The following ARL10 variants were observed in gnomAD, a reference collection of about 807,000 sequenced individuals.
ARL10 encodes the protein ARF like GTPase 10.
ARL10 carries 23 observed loss-of-function variants against 26.1 expected under a neutral mutation model. The observed-to-expected ratio is 0.88, with a 90% CI of 0.63 to 1.25. ARL10 has a LOEUF of 1.25. Among genes scored for constraint, ARL10 ranks in the 50% most tolerant of loss-of-function variants. ARL10 has a pLI of 0.00. For missense variants in ARL10, 300 were observed against 323.6 expected (o/e 0.93, Z 0.56); for synonymous variants, 138 against 149.1 (o/e 0.93, Z 0.54).
At chr5:176,410,225 C>A in the ARL10 span, 1 of 1,608,048 alleles carries the variant, frequency 6.2e-7, no homozygotes, top group South Asian at 1.1e-5. Context: ...GGCTGTTGGT[C>A]CTTACCACTG....
intron 2 of ARL10, among the ~76,000 whole-genome samples, chr5:176,367,604 C>T (rs1349051977): frequency 6.6e-6 from 1 of 152,192 alleles, no homozygotes; most frequent in Non-Finnish European, 1.5e-5. Context: ...ACAGCCATCT[C>T]TTTCTCCTTC....
Position 176,376,417 on chromosome 5 carries a change from G to A in ARL10, c.*4522G>A, listed in dbSNP as rs1479872271. 6.6e-6 allele frequency: 1 copy of A among 151,622 alleles called. No individual in the cohort carries two copies. The highest frequency in any genetic ancestry group is 1.5e-5 in the Non-Finnish European group (1 of 67,936). 9.4% of individuals were successfully genotyped at this position (151,622 alleles called of 1,614,324 possible). On this transcript the variant is annotated 3_prime_UTR_variant, in exon 4 of 4. Transcript: ENST00000310389. ...CACTCTTCCTTTGGGGTTTCAGGGT[G>A]ACTTATTGGGAAAATGGAGAGATAC...
At chr5:176,385,430 C>G (rs1442814988), downstream of ARL10, 1 of 720,198 alleles carries the variant, frequency 1.4e-6, no homozygotes, top group African/African-American at 1.7e-5. Context: ...CCACAAGACC[C>G]ACCACACCAA....
At position 176,387,364 on chromosome 5, in the gene ARL10, C is replaced by T. The variant is rs565639253; in HGVS notation, c.37-931C>T. On this transcript the variant is annotated intron_variant, in intron 1 of 1. Transcript: ENST00000503175. ...CCCAACACAATCTTGGTGACAAGGA[C>T]TTTGTGTTTTGTTCTCTATTAAATC... 2.0e-5 allele frequency among the ~76,000 whole-genome samples: 3 copies of T among 152,346 alleles called. No individual in the cohort carries two copies. In the East Asian group the frequency reaches 5.8e-4, roughly 29 times the overall value.
At chr5:176,382,639 A>G (rs1363153313), downstream of ARL10, among the ~76,000 whole-genome samples, 1 of 152,180 alleles carries the variant, frequency 6.6e-6, no homozygotes, top group East Asian at 1.9e-4. Context: ...CACCAGAGAT[A>G]GCTTCCTGGG....
the ARL10 span, among the ~76,000 whole-genome samples, chr5:176,411,961 A>G: frequency 2.1e-3 from 319 of 151,834 alleles, 1 homozygote; most frequent in African/African-American, 6.2e-3. Context: ...CAGATCACGA[A>G]GTCAGGAGAT....
At chr5:176,384,940 G>T, downstream of ARL10, 1 of 561,376 alleles carries the variant, frequency 1.8e-6, no homozygotes, top group Non-Finnish European at 3.2e-6. Context: ...CATCCTGGGT[G>T]ACTGAGCAAG....
rs187134740 is a variant in ARL10 at position 176,374,484 on chromosome 5, A to T, written c.*2589A>T. 2.6e-5 allele frequency: 4 copies of T among 152,308 alleles called. No individual in the cohort carries two copies. The highest frequency in any genetic ancestry group is 2.0e-4 in the Admixed American group (3 of 15,302). The allele number at this position is 152,308 out of a possible 1,614,324, so 9.4% of individuals were successfully genotyped here. A position where few individuals can be genotyped will look rare whatever the true frequency, so the allele number is the denominator to read the frequency against. Reference sequence around the variant, plus strand: ...TTAAGACTACAACACATCAGTGGGGACCTTAGGATGGCTATCAGGAGTGTA... The same window carrying T: ...TTAAGACTACAACACATCAGTGGGGTCCTTAGGATGGCTATCAGGAGTGTA... On this transcript the variant is annotated 3_prime_UTR_variant, in exon 4 of 4. Coordinates refer to ENST00000310389, the MANE Select transcript of ARL10 (RefSeq NM_173664.6).
downstream of ARL10, chr5:176,384,092 G>T: frequency 1.3e-6 from 2 of 1,577,744 alleles, no homozygotes; most frequent in Middle Eastern, 1.7e-4. Flanking sequence ...GAGTGTGCAC[G>T]TGTGTGTGTA....
chr5:176,388,674 G>A, downstream of ARL10: 1 of 1,336,544 alleles, frequency 7.5e-7, no homozygotes, highest in Admixed American at 2.0e-5. Context: ...TAGCACTACC[G>A]TGCTGAGCAC....
Position 176,368,745 on chromosome 5 carries a change from G to T in ARL10, c.386-62G>T. 6.5e-7 allele frequency: 1 copy of T among 1,527,498 alleles called. No individual in the cohort carries two copies. The allele number at this position is 1,527,498 out of a possible 1,614,324, so 94.6% of individuals were successfully genotyped here. ...GTGAGCGGGGGCCCGGGGTGGGGTGGGGGCTGTGGGCAGTGAGCGGGGGCC... is the reference window on the plus strand; with the variant it reads ...GTGAGCGGGGGCCCGGGGTGGGGTGTGGGCTGTGGGCAGTGAGCGGGGGCC... On this transcript the variant is annotated intron_variant, in intron 2 of 3. Transcript: ENST00000310389. This position sits in a 1 kb window ranked among gnomAD's most constrained non-coding sequence, Gnocchi z 4.1.
intron 3 of ARL10, among the ~76,000 whole-genome samples, chr5:176,371,347 C>T (rs1276885108): frequency 2.0e-5 from 3 of 152,220 alleles, no homozygotes; most frequent in Non-Finnish European, 4.4e-5. Context: ...CGTGCCACTG[C>T]ACTCCAGCCT....
rs1768647102 is a variant in ARL10, at chr5:176,375,102, A to ATCCATCCATCCATCCATCCATCCATCCC, written c.*3214_*3215insATCCATCCATCCATCCATCCCTCCATCC. ...CATCCATCCATCCATCCATCCATCC[A>ATCCATCCATCCATCCATCCATCCATCCC]TCCATCCCTCCATCCGTCCACCCGT... On this transcript the variant is annotated 3_prime_UTR_variant, in exon 4 of 4. Coordinates refer to ENST00000310389, the MANE Select transcript of ARL10 (RefSeq NM_173664.6). The ATCCATCCATCCATCCATCCATCCATCCC allele has an allele frequency of 2.7e-5, 4 of 149,128 alleles. No homozygotes were observed. Among genetic ancestry groups the ATCCATCCATCCATCCATCCATCCATCCC allele is most frequent in the African/African-American group, 9.9e-5 (4 of 40,448 alleles). The allele number at this position is 149,128 out of a possible 1,614,324, so 9.2% of individuals were successfully genotyped here. A position where few individuals can be genotyped will look rare whatever the true frequency, so the allele number is the denominator to read the frequency against.
In ARL10 at chr5:176,374,866, C is replaced by G. The variant is rs963899218; in HGVS notation, c.*2971C>G. 6.6e-5 allele frequency: 10 copies of G among 152,308 alleles called. No homozygotes were observed. Among genetic ancestry groups the G allele is most frequent in the Non-Finnish European group, 1.0e-4 (7 of 68,020 alleles). 9.4% of individuals were successfully genotyped at this position (152,308 alleles called of 1,614,324 possible). A position where few individuals can be genotyped will look rare whatever the true frequency, so the allele number is the denominator to read the frequency against. ...TGCAAACACATTATGTGTTCCTTTT[C>G]CCTGAGAAATATCCTTGATGTGTTT... On this transcript the variant is annotated 3_prime_UTR_variant, in exon 4 of 4. Transcript: ENST00000310389.
chr5:176,409,760 C>G, the ARL10 span, among the ~76,000 whole-genome samples: 2 of 152,294 alleles, frequency 1.3e-5, no homozygotes, highest in Admixed American at 1.3e-4. Context: ...TCTATCTATT[C>G]AGTTCCCTGA....
downstream of ARL10, among the ~76,000 whole-genome samples, chr5:176,382,741 A>G (rs1203978889): frequency 3.3e-5 from 5 of 152,170 alleles, no homozygotes; most frequent in East Asian, 9.6e-4. Flanking sequence ...AGCCTGGGAT[A>G]CAAGAGCAAG....
chr5:176,368,616 T>C lies in ARL10; in HGVS notation c.386-191T>C, dbSNP rs1030970050. 1.3e-5 allele frequency among the ~76,000 whole-genome samples: 2 copies of C among 151,772 alleles called. No individual in the cohort carries two copies. Among genetic ancestry groups the C allele is most frequent in the African/African-American group, 4.8e-5 (2 of 41,286 alleles). Reference sequence around the variant, plus strand: ...TGAGTAGCTGCGGAAACTGCGGTCTTTTCCTTGCCCCCGGCTGGTGGAAGC... The same window carrying C: ...TGAGTAGCTGCGGAAACTGCGGTCTCTTCCTTGCCCCCGGCTGGTGGAAGC... On this transcript the variant is annotated intron_variant, in intron 2 of 3. Transcript: ENST00000310389. The surrounding 1 kb of genome is among the most constrained non-coding windows in gnomAD (Gnocchi z 4.1).
At chr5:176,392,724 C>A, downstream of ARL10, 1 of 1,599,766 alleles carries the variant, frequency 6.3e-7, no homozygotes, top group Non-Finnish European at 8.5e-7. The surrounding 1 kb of genome is among the most constrained non-coding windows in gnomAD (Gnocchi z 5.2). Flanking sequence ...AGCTGCTCCT[C>A]CTGTGCCCAG....
At chr5:176,385,356 G>GGGAATGA (rs1228579158), downstream of ARL10, 2 of 1,313,530 alleles carry the variant, frequency 1.5e-6, no homozygotes, top group South Asian at 2.4e-5. Context: ...CGGGGAGACA[G>GGGAATGA]GGAATGAGGC....
Sources: allele counts gnomAD v4.1 joint callset (sites outside exome capture counted in the v4.1 genomes callset), GRCh38; gene constraint gnomAD v4.1.1; non-coding constraint Gnocchi (gnomAD v3.1); transcripts MANE v1.5; gene names NCBI Gene and HGNC (gene_info 2026-07-23, HGNC 2026-07-21).